The following LAMC2 variants were observed in gnomAD, a reference collection of about 807,000 sequenced individuals.
LAMC2 encodes the protein laminin subunit gamma 2.
A neutral mutation model predicts 140.2 loss-of-function variants in LAMC2; 97 were observed. The observed-to-expected ratio is 0.69, with a 90% CI of 0.59 to 0.82. LAMC2 has a LOEUF of 0.82. Ranked by LOEUF, LAMC2 falls within the 40% of genes least tolerant of loss-of-function variation. The pLI is 0.00. For missense variants in LAMC2, 1,402 were observed against 1,476.1 expected (o/e 0.95, Z 0.82); for synonymous variants, 513 against 540.2 (o/e 0.95, Z 0.70).
rs982656532 is a variant in LAMC2 at position 183,223,925 on chromosome 1, G to A, written c.953+601G>A. On this transcript the variant is annotated intron_variant, in intron 7 of 22. Coordinates refer to ENST00000264144, the MANE Select transcript of LAMC2 (RefSeq NM_005562.3). ...TCTGCATGGTGTTTGCAGAGAGGTTGGGGAAGGGAGCTGTGCCTACTAAGT... is the reference window on the plus strand; with the variant it reads ...TCTGCATGGTGTTTGCAGAGAGGTTAGGGAAGGGAGCTGTGCCTACTAAGT... 4.6e-5 allele frequency among the ~76,000 whole-genome samples: 7 copies of A among 152,182 alleles called. No homozygotes were observed. In the East Asian group the frequency reaches 7.7e-4, roughly 17 times the overall value.
At chr1:183,207,855 AT>A in intron 1 of LAMC2, 25 bp from the exon 2 acceptor site, 1 of 1,402,508 alleles carries the variant, frequency 7.1e-7, no homozygotes, top group Non-Finnish European at 9.8e-7. Context: ...TTTTTTGACG[AT>A]CTCTTTTGTA....
chr1:183,239,514 C>T lies in LAMC2; in HGVS notation c.3020C>T (p.Ala1007Val), dbSNP rs1558099202. The stretch of plus-strand genomic sequence containing the variant: ...AGCGCTGCTGCTGATGCACAGAGGG[C>T]AAAGAATGGGGCCGGGGAGGCCCTG... ...LGSAAADAQR[A>V]KNGAGEALEI... Residue 1007 changes from alanine (A) to valine (V), a missense_variant, in exon 20 of 23, where the codon GCA becomes GTA. Transcript: ENST00000264144. 7.4e-6 allele frequency: 12 copies of T among 1,613,274 alleles called. No individual in the cohort carries two copies. Among genetic ancestry groups the T allele is most frequent in the Non-Finnish European group, 1.0e-5 (12 of 1,179,760 alleles).
chr1:183,240,919 A>T (rs1241397846), intron 22 of LAMC2: 1 of 162,118 alleles, frequency 6.2e-6, no homozygotes, highest in Non-Finnish European at 1.3e-5. Context: ...GGCTGGGAAG[A>T]TGTGAAGGAA....
chr1:183,189,359 G>C (rs1658251929), intron 1 of LAMC2, among the ~76,000 whole-genome samples: 1 of 152,196 alleles, frequency 6.6e-6, no homozygotes, highest in Admixed American at 6.5e-5. Flanking sequence ...GGAGGCTGAG[G>C]TGGGTGGATC....
chr1:183,193,755 C>T (rs1035508369), intron 1 of LAMC2, among the ~76,000 whole-genome samples: 1 of 152,068 alleles, frequency 6.6e-6, no homozygotes, highest in African/African-American at 2.4e-5. Flanking sequence ...CCACAGTGGA[C>T]CTGGCATAGG....
At chr1:183,233,139 G>A (rs1429838376) in intron 14 of LAMC2, among the ~76,000 whole-genome samples, 3 of 152,036 alleles carry the variant, frequency 2.0e-5, no homozygotes, top group Non-Finnish European at 1.5e-5. Context: ...ATATCTCCTA[G>A]CTTGTTAGCT....
At chr1:183,186,543 T>C in intron 1 of LAMC2, 112 bp downstream of exon 1, 1 of 1,208,972 alleles carries the variant, frequency 8.3e-7, no homozygotes, top group East Asian at 2.5e-5. Flanking sequence ...GTCCAGAAAC[T>C]TGTTAGAGCT....
At chr1:183,206,114 ACTTTAGG>A (rs1658876518) in intron 1 of LAMC2, among the ~76,000 whole-genome samples, 1 of 152,178 alleles carries the variant, frequency 6.6e-6, no homozygotes, top group Admixed American at 6.5e-5. Flanking sequence ...TAGCTGTGTG[ACTTTAGG>A]CAAGATACCT....
In LAMC2 at chr1:183,243,691, T is replaced by G; in HGVS notation, c.*291T>G. The stretch of plus-strand genomic sequence containing the variant: ...TGGAAAGACAAACTGCACAGGCAGA[T>G]GTTTGCCTCATAATAGTCGTAAGTG... On this transcript the variant is annotated 3_prime_UTR_variant, in exon 23 of 23. Transcript: ENST00000264144. The G allele has an allele frequency of 2.1e-6, 1 of 471,068 alleles. No homozygotes were observed. The highest frequency in any genetic ancestry group is 3.9e-6 in the Non-Finnish European group (1 of 256,042). The allele number at this position is 471,068 out of a possible 1,614,324, so 29.2% of individuals were successfully genotyped here.
At chr1:183,256,200 G>A in the LAMC2 span, among the ~76,000 whole-genome samples, 10 of 152,148 alleles carry the variant, frequency 6.6e-5, no homozygotes, top group Admixed American at 1.3e-4. Flanking sequence ...GAGGTCAGGC[G>A]TTCGAGCCCA....
downstream of LAMC2, among the ~76,000 whole-genome samples, chr1:183,247,401 T>G (rs1164143519): frequency 6.6e-6 from 1 of 152,106 alleles, no homozygotes; most frequent in East Asian, 1.9e-4. Context: ...AAAGGCAGTG[T>G]TTAGCTTTGT....
At chr1:183,239,833 ACC>A (rs2102252515) in intron 20 of LAMC2, 1 of 668,176 alleles carries the variant, frequency 1.5e-6, no homozygotes, top group East Asian at 2.7e-5. Context: ...CTGGCCGCTG[ACC>A]TTCCTAGTCA....
At chr1:183,223,080 G>A in intron 6 of LAMC2, 55 bp from the exon 7 acceptor site, 2 of 1,556,746 alleles carry the variant, frequency 1.3e-6, no homozygotes, top group Non-Finnish European at 8.8e-7. Flanking sequence ...ACTTGCATGT[G>A]TTTGCCTCTC....
intron 20 of LAMC2, 49 bp downstream of exon 20, chr1:183,239,612 G>A (rs1236698021): frequency 2.0e-6 from 3 of 1,505,210 alleles, no homozygotes; most frequent in East Asian, 2.3e-5. Context: ...CCAAACACAA[G>A]GGTGGTGTGG....
Position 183,243,270 on chromosome 1 carries a change from A to T in LAMC2, c.3452A>T (p.Gln1151Leu). The T allele has an allele frequency of 6.2e-7, 1 of 1,614,218 alleles. No homozygotes were observed. The highest frequency in any genetic ancestry group is 8.5e-7 in the Non-Finnish European group (1 of 1,180,036). The change falls in exon 23 of 23, where the codon CAG becomes CTG. Residue 1151 changes from glutamine to leucine, a missense_variant. Gln to Leu is a moderately radical substitution (Grantham distance 113, BLOSUM62 -2). Coordinates refer to ENST00000264144, the MANE Select transcript of LAMC2 (RefSeq NM_005562.3). Reference protein sequence around the residue: ...MMSELEERARQQRGHLHLLET... With the variant: ...MMSELEERARLQRGHLHLLET... ...TCAGAGCTGGAAGAGAGGGCACGTC[A>T]GCAGAGGGGCCACCTCCATTTGCTG... is the stretch of plus-strand genomic sequence containing the variant.
the LAMC2 span, chr1:183,251,148 G>A: frequency 6.6e-6 from 1 of 152,188 alleles, no homozygotes; most frequent in Non-Finnish European, 1.5e-5. Flanking sequence ...GAAAAAAGGA[G>A]TGAAGCAACT....
intron 3 of LAMC2, 46 bp downstream of exon 3, chr1:183,215,634 C>T: frequency 6.2e-7 from 1 of 1,611,352 alleles, no homozygotes; most frequent in Non-Finnish European, 8.5e-7. Context: ...TCAGTGATGA[C>T]AATTATATAA....
chr1:183,186,576 GCTC>G, intron 1 of LAMC2, 145 bp downstream of exon 1: 2 of 774,544 alleles, frequency 2.6e-6, no homozygotes, highest in Non-Finnish European at 3.9e-6. Flanking sequence ...CCTATCTGGG[GCTC>G]CTCCAGAGAC....
chr1:183,220,459 A>G (rs141755908), intron 4 of LAMC2, among the ~76,000 whole-genome samples: 122 of 152,196 alleles, frequency 8.0e-4, no homozygotes, highest in East Asian at 2.7e-3. Context: ...ACCATTAAAC[A>G]GTAGCTCCAG....
Sources: allele counts gnomAD v4.1 joint callset (sites outside exome capture counted in the v4.1 genomes callset), GRCh38; gene constraint gnomAD v4.1.1; transcripts MANE v1.5; gene names NCBI Gene and HGNC (gene_info 2026-07-23, HGNC 2026-07-21).